Variants in PRUNE2 observed in about 807,000 individuals in gnomAD.
The protein encoded by PRUNE2 is protein prune homolog 2.
PRUNE2 carries 164 observed loss-of-function variants against 252.0 expected under a neutral mutation model. The observed-to-expected ratio is 0.65, with a 90% CI of 0.57 to 0.74. The LOEUF (loss-of-function observed/expected upper bound fraction) is 0.74. Among genes scored for constraint, PRUNE2 ranks in the 30% least tolerant of loss-of-function variants. PRUNE2 has a pLI of 0.00. For missense variants in PRUNE2, 3,495 were observed against 3,711.0 expected, an observed-to-expected ratio of 0.94 and a Z score of 1.51; for synonymous variants, 1,292 against 1,350.2, an observed-to-expected ratio of 0.96 and a Z score of 0.94.
chr9:76,682,992 G>A (rs779770369), intron 9 of PRUNE2, among the ~76,000 whole-genome samples: 2 of 152,072 alleles, frequency 1.3e-5, no homozygotes, highest in Non-Finnish European at 2.9e-5. Flanking sequence ...ATTTTTTAGT[G>A]TATTCAGATG....
chr9:76,656,374 G>A lies in PRUNE2; in HGVS notation c.8277-872C>T, dbSNP rs1563933514. Among the ~76,000 whole-genome samples, 5 of 152,278 alleles carry A rather than the reference G, an allele frequency of 3.3e-5. No homozygotes were observed. The South Asian group carries it at 8.3e-4, about 25-fold the overall frequency. ...TCACGTAATTTCATTCACCTAGGGT[G>A]AGTCCTTATGATGTGGGCACTAACC... On this transcript the variant is annotated intron_variant, in intron 9 of 18. Transcript: ENST00000376718.
chr9:76,904,891 G>A (rs2063390487), intron 1 of PRUNE2, among the ~76,000 whole-genome samples: 1 of 152,170 alleles, frequency 6.6e-6, no homozygotes, highest in South Asian at 2.1e-4. Flanking sequence ...TGTTGTGCGA[G>A]GGTAAATGAG....
At chr9:76,865,729 A>G (rs576088243) in intron 1 of PRUNE2, among the ~76,000 whole-genome samples, 33 of 152,156 alleles carry the variant, frequency 2.2e-4, no homozygotes, top group African/African-American at 7.7e-4. Context: ...AAGTTATACT[A>G]TAGGCTGCAA....
At chr9:76,729,530 C>T (rs1375383306) in intron 6 of PRUNE2, among the ~76,000 whole-genome samples, 1 of 152,006 alleles carries the variant, frequency 6.6e-6, no homozygotes, top group Non-Finnish European at 1.5e-5. Context: ...TTGCTTGGCT[C>T]TTTAGAAATG....
chr9:76,855,562 A>G, intron 1 of PRUNE2, among the ~76,000 whole-genome samples: 1 of 152,224 alleles, frequency 6.6e-6, no homozygotes, highest in East Asian at 1.9e-4. Context: ...AGTCAAACGC[A>G]ATAGGTTGTG....
intron 6 of PRUNE2, among the ~76,000 whole-genome samples, chr9:76,781,777 G>C (rs2054426687): frequency 6.6e-6 from 1 of 152,204 alleles, no homozygotes; most frequent in African/African-American, 2.4e-5. Flanking sequence ...TAGTGTTGGT[G>C]AATGAGTTAA....
intron 9 of PRUNE2, among the ~76,000 whole-genome samples, chr9:76,660,781 CAAAAAAAAA>C (rs11432174): frequency 9.9e-6 from 1 of 101,042 alleles, no homozygotes; most frequent in African/African-American, 4.0e-5. Context: ...GACTCTGAAT[CAAAAAAAAA>C]AAAAAAAAAA....
chr9:76,852,738 C>T (rs1437043847), intron 2 of PRUNE2, among the ~76,000 whole-genome samples: 1 of 152,246 alleles, frequency 6.6e-6, no homozygotes, highest in African/African-American at 2.4e-5. Context: ...TCCATGCTTA[C>T]TGGCAAACCT....
At chr9:76,869,329 A>C (rs2061050643) in intron 1 of PRUNE2, 1 of 152,210 alleles carries the variant, frequency 6.6e-6, no homozygotes, top group African/African-American at 2.4e-5. Flanking sequence ...GAAATGTGCG[A>C]GGGATCTGCA....
intron 6 of PRUNE2, among the ~76,000 whole-genome samples, chr9:76,730,683 C>T (rs1004038939): frequency 4.6e-5 from 7 of 152,190 alleles, no homozygotes; most frequent in African/African-American, 7.2e-5. Flanking sequence ...GGGCAGATCA[C>T]GAGGTCAGGA....
chr9:76,823,882 G>T (rs2058187866), intron 5 of PRUNE2, among the ~76,000 whole-genome samples, 156 bp from the exon 6 acceptor site: 1 of 151,582 alleles, frequency 6.6e-6, no homozygotes, highest in Non-Finnish European at 1.5e-5. Flanking sequence ...ACACACTAAG[G>T]CAATAATCAC....
At chr9:76,837,055 A>G (rs1310973193) in intron 4 of PRUNE2, among the ~76,000 whole-genome samples, 1 of 152,206 alleles carries the variant, frequency 6.6e-6, no homozygotes, top group Non-Finnish European at 1.5e-5. Context: ...TTAAATATGT[A>G]TTTTTTAGAT....
intron 6 of PRUNE2, among the ~76,000 whole-genome samples, chr9:76,753,631 C>T (rs1003230488): frequency 3.5e-4 from 53 of 152,086 alleles, no homozygotes; most frequent in African/African-American, 9.9e-4. Context: ...AATAGGGCCA[C>T]GCTTCAGTAG....
At chr9:76,626,084 G>T (rs1374511252) in intron 16 of PRUNE2, among the ~76,000 whole-genome samples, 2 of 152,162 alleles carry the variant, frequency 1.3e-5, no homozygotes, top group African/African-American at 2.4e-5. Context: ...CATAAAAAAA[G>T]GTTATATATT....
chr9:76,683,485 T>C lies in PRUNE2; in HGVS notation c.8276+19852A>G, dbSNP rs186524246. Among the ~76,000 whole-genome samples the C allele has an allele frequency of 4.2e-3, 639 of 152,340 alleles. 3 individuals are homozygous for C. The highest frequency in any genetic ancestry group is 7.1e-3 in the Non-Finnish European group (484 of 68,038). On this transcript the variant is annotated intron_variant, in intron 9 of 18. Coordinates refer to ENST00000376718, the MANE Select transcript of PRUNE2 (RefSeq NM_015225.3). The stretch of plus-strand genomic sequence containing the variant: ...CATAATATGAGCCAATTAATATTCT[T>C]TTTAACCTAAGCAGGGTAAGTTGAG...
At chr9:76,858,776 AGAAAAAAAAAG>A (rs2060397978) in intron 1 of PRUNE2, among the ~76,000 whole-genome samples, 1 of 149,502 alleles carries the variant, frequency 6.7e-6, no homozygotes, top group Admixed American at 6.6e-5. Context: ...AAAAAAAGAA[AGAAAAAAAAAG>A]AAAGTGGCAT....
intron 16 of PRUNE2, among the ~76,000 whole-genome samples, chr9:76,628,876 C>A (rs2132296036): frequency 6.7e-6 from 1 of 149,348 alleles, no homozygotes; most frequent in South Asian, 2.1e-4. Context: ...GATACAGGGT[C>A]TCACTGCCAC....
chr9:76,759,023 G>A (rs1164733876), intron 6 of PRUNE2: 8 of 152,330 alleles, frequency 5.3e-5, no homozygotes, highest in Admixed American at 6.5e-5. Context: ...TGCAAAGCAG[G>A]TGTTTGCTGG....
At chr9:76,827,323 C>CT (rs1361400189) in intron 4 of PRUNE2, among the ~76,000 whole-genome samples, 1 of 152,178 alleles carries the variant, frequency 6.6e-6, no homozygotes, top group Non-Finnish European at 1.5e-5. Flanking sequence ...ATTATAAGGA[C>CT]TCACAAGCTG....
Sources: allele counts gnomAD v4.1 joint callset (sites outside exome capture counted in the v4.1 genomes callset), GRCh38; gene constraint gnomAD v4.1.1; transcripts MANE v1.5; gene names NCBI Gene and HGNC (gene_info 2026-07-23, HGNC 2026-07-21).